The following CADM3 variants were observed in gnomAD, a reference collection of about 807,000 sequenced individuals.
CADM3 encodes TSLC1-like 1.
In CADM3, 11 loss-of-function variants were observed where a neutral mutation model predicts 44.9. That is an observed-to-expected ratio of 0.25 (90% CI 0.15 to 0.41). The LOEUF is 0.41. Ranked by LOEUF, CADM3 falls within the 10% of genes least tolerant of loss-of-function variation. The probability of loss-of-function intolerance (pLI) is 1.00; values close to 1 mark genes in which losing one functional copy is unlikely to be tolerated. For missense variants in CADM3, 426 were observed against 512.0 expected (o/e 0.83, Z 1.62); for synonymous variants, 207 against 205.2 (o/e 1.01, Z -0.08).
At chr1:159,176,823 A>T (rs746151827) in intron 1 of CADM3, among the ~76,000 whole-genome samples, 2 of 152,224 alleles carry the variant, frequency 1.3e-5, no homozygotes, top group Non-Finnish European at 2.9e-5. Flanking sequence ...CAACTACTAA[A>T]GAATCATTTC....
rs556115692 is a variant in CADM3, at chr1:159,200,797, T to C, written c.1079-7T>C. On this transcript the variant is annotated splice_polypyrimidine_tract_variant and splice_region_variant and intron_variant, in intron 8 of 8. Transcript: ENST00000368125. ...TCCTGAGAGGAGAAGCCTCTGTCTC[T>C]ACACAGGAACCTACCTGACACATGA... is the stretch of plus-strand genomic sequence containing the variant. The C allele has an allele frequency of 1.3e-5, 20 of 1,589,426 alleles. No homozygotes were observed. In the African/African-American group the frequency reaches 1.4e-4, roughly 11 times the overall value.
chr1:159,196,884 T>C lies in CADM3; in HGVS notation c.783-7T>C, dbSNP rs1292756734. 7 of 1,613,154 alleles carry C rather than the reference T, an allele frequency of 4.3e-6. No homozygotes were observed. In the Admixed American group the frequency reaches 1.0e-4, roughly 23 times the overall value. On this transcript the variant is annotated splice_polypyrimidine_tract_variant and splice_region_variant and intron_variant, in intron 6 of 8. Coordinates refer to ENST00000368125, the MANE Select transcript of CADM3 (RefSeq NM_001127173.3). ...CCTGAGCTCTTCTGATTTGTCTGCC[T>C]CGACAGCCCCCAGCAGTACCTATGG...
At chr1:159,190,664 C>T (rs1649620221) in intron 1 of CADM3, among the ~76,000 whole-genome samples, 1 of 152,322 alleles carries the variant, frequency 6.6e-6, no homozygotes, top group South Asian at 2.1e-4. Context: ...CATCTTCATT[C>T]CTCAGGGCCT....
rs928590759 is a variant in CADM3 at position 159,201,891 on chromosome 1, C to G, written c.*969C>G. The G allele has an allele frequency of 2.0e-5, 3 of 152,982 alleles. No individual in the cohort carries two copies. Among genetic ancestry groups the G allele is most frequent in the African/African-American group, 4.8e-5 (2 of 41,418 alleles). The allele number at this position is 152,982 out of a possible 1,614,324, so 9.5% of individuals were successfully genotyped here. The stretch of plus-strand genomic sequence containing the variant: ...CTCCTCCCATGGCATTGCTCAGCAA[C>G]TACTTCTCCCTTCCCGGCCACCCTG... On this transcript the variant is annotated 3_prime_UTR_variant, in exon 9 of 9. Coordinates refer to ENST00000368125, the MANE Select transcript of CADM3 (RefSeq NM_001127173.3).
Position 159,187,916 on chromosome 1 carries a change from C to A in CADM3, c.89-4020C>A, listed in dbSNP as rs183777927. Among the ~76,000 whole-genome samples, 331 of 152,058 alleles carry A rather than the reference C, an allele frequency of 2.2e-3. 3 individuals are homozygous for A. Among genetic ancestry groups the A allele is most frequent in the African/African-American group, 7.6e-3 (315 of 41,498 alleles). On this transcript the variant is annotated intron_variant, in intron 1 of 8. Transcript: ENST00000368125. ...GATGTGACAGTCCTGGCCCTCTCCC[C>A]AGCCCCCTTTCCTTCTCTCATTCTC...
At chr1:159,181,527 G>A (rs756194523) in intron 1 of CADM3, among the ~76,000 whole-genome samples, 10 of 138,792 alleles carry the variant, frequency 7.2e-5, no homozygotes, top group East Asian at 4.0e-4. Context: ...GCCCTCCCCC[G>A]TGCTCAGTTT....
chr1:159,193,084 C>G (rs1318445121), intron 3 of CADM3, among the ~76,000 whole-genome samples: 1 of 152,156 alleles, frequency 6.6e-6, no homozygotes. Context: ...CTTACATGCT[C>G]TCATCTTCAT....
At chr1:159,189,619 C>T in intron 1 of CADM3, 1 of 612,374 alleles carries the variant, frequency 1.6e-6, no homozygotes, top group Admixed American at 3.3e-5. Flanking sequence ...AATTTCGCCC[C>T]TTGGTAAGAA....
chr1:159,189,408 T>C (rs1301951481), intron 1 of CADM3, among the ~76,000 whole-genome samples: 1 of 152,190 alleles, frequency 6.6e-6, no homozygotes, highest in Non-Finnish European at 1.5e-5. Context: ...GGTCTTTCAT[T>C]TTTCTCTAGT....
chr1:159,196,440 T>A lies in CADM3; in HGVS notation c.768T>A (p.Gly256=). ...AGAAGCTGTTGCTACACTGTGAGGG[T>A]CGCGGCAATCCAGTGTAAGAAGATC... ...EGQKLLLHCE[G]RGNPVPQQYL... The change falls in exon 6 of 9, where the codon GGT becomes GGA. Residue 256 remains glycine, a synonymous_variant. Coordinates refer to ENST00000368125, the MANE Select transcript of CADM3 (RefSeq NM_001127173.3). 6.2e-7 allele frequency: 1 copy of A among 1,613,912 alleles called. No homozygotes were observed. Among genetic ancestry groups the A allele is most frequent in the Non-Finnish European group, 8.5e-7 (1 of 1,179,894 alleles).
Position 159,193,414 on chromosome 1 carries a change from C to A in CADM3, c.383-9C>A. The A allele has an allele frequency of 6.3e-7, 1 of 1,585,316 alleles. No individual in the cohort carries two copies. Among genetic ancestry groups the A allele is most frequent in the Non-Finnish European group, 8.6e-7 (1 of 1,163,362 alleles). On this transcript the variant is annotated splice_polypyrimidine_tract_variant and intron_variant, in intron 3 of 8. Transcript: ENST00000368125. ...CCTTCCTATCCTGGCCATCCCCTAT[C>A]CATGGCAGGAATTCCACAGAAGCCC... is the stretch of plus-strand genomic sequence containing the variant.
rs535444608 is a variant in CADM3 at position 159,181,423 on chromosome 1, G to T, written c.88+9570G>T. ...AAACAGACACTCCTAAAATGGCTCA[G>T]GGCTGTTATCATCCTGTCTTCAGGG... On this transcript the variant is annotated intron_variant, in intron 1 of 8. Transcript: ENST00000368125. Among the ~76,000 whole-genome samples the T allele has an allele frequency of 3.9e-4, 59 of 152,288 alleles. 1 individual carries two copies. Among genetic ancestry groups the T allele is most frequent in the Non-Finnish European group, 6.6e-4 (45 of 68,012 alleles).
chr1:159,177,468 G>T (rs1649067668), intron 1 of CADM3, among the ~76,000 whole-genome samples: 1 of 152,094 alleles, frequency 6.6e-6, no homozygotes. Context: ...CATGGTGCTA[G>T]CCCCTGACAG....
Position 159,202,415 on chromosome 1 carries a change from T to A in CADM3, c.*1493T>A, listed in dbSNP as rs1327986756. ...GATTTCCCTCCTCTGAGCCATGGAGTCAGTGCCACAGCCTTTGCTATGCAC... is the reference window on the plus strand; with the variant it reads ...GATTTCCCTCCTCTGAGCCATGGAGACAGTGCCACAGCCTTTGCTATGCAC... On this transcript the variant is annotated 3_prime_UTR_variant, in exon 9 of 9. Coordinates refer to ENST00000368125, the MANE Select transcript of CADM3 (RefSeq NM_001127173.3). 1 of 152,704 alleles carries A rather than the reference T, an allele frequency of 6.5e-6. No homozygotes were observed. The highest frequency in any genetic ancestry group is 2.4e-5 in the African/African-American group (1 of 41,390). 9.5% of individuals were successfully genotyped at this position (152,704 alleles called of 1,614,324 possible).
At chr1:159,192,810 G>A (rs1649729755) in intron 3 of CADM3, 80 bp downstream of exon 3, 1 of 1,446,068 alleles carries the variant, frequency 6.9e-7, no homozygotes, top group South Asian at 1.4e-5. Context: ...TGAAGCAGCT[G>A]GGAGCCAGGC....
At chr1:159,188,726 A>G (rs982436551) in intron 1 of CADM3, among the ~76,000 whole-genome samples, 1 of 152,166 alleles carries the variant, frequency 6.6e-6, no homozygotes, top group Non-Finnish European at 1.5e-5. Context: ...AGGTTGGGCT[A>G]GGGACTTAGG....
At chr1:159,183,135 C>T (rs1251289192) in intron 1 of CADM3, among the ~76,000 whole-genome samples, 1 of 152,146 alleles carries the variant, frequency 6.6e-6, no homozygotes, top group Admixed American at 6.6e-5. Flanking sequence ...CCTGTTTGAG[C>T]CCAGATTGGG....
intron 1 of CADM3, among the ~76,000 whole-genome samples, chr1:159,185,677 GTT>G (rs2102109737): frequency 6.6e-6 from 1 of 152,274 alleles, no homozygotes; most frequent in South Asian, 2.1e-4. Flanking sequence ...CTGTCTTATA[GTT>G]TTCTGGGTAG....
intron 8 of CADM3, among the ~76,000 whole-genome samples, chr1:159,200,269 T>C (rs761551352): frequency 2.0e-5 from 3 of 152,182 alleles, no homozygotes; most frequent in Non-Finnish European, 4.4e-5. Flanking sequence ...TTTGATCTCA[T>C]TGCCTTTCTT....
Sources: allele counts gnomAD v4.1 joint callset (sites outside exome capture counted in the v4.1 genomes callset), GRCh38; gene constraint gnomAD v4.1.1; transcripts MANE v1.5; gene names NCBI Gene and HGNC (gene_info 2026-07-23, HGNC 2026-07-21).